Variants in NFATC2 observed in about 807,000 individuals in gnomAD.
NFATC2 encodes nuclear factor of activated T-cells, cytoplasmic 2.
NFATC2 carries 22 observed loss-of-function variants against 87.3 expected under a neutral mutation model. That is an observed-to-expected ratio of 0.25 (90% CI 0.18 to 0.36). The LOEUF is 0.36. Ranked by LOEUF, NFATC2 falls within the 10% of genes least tolerant of loss-of-function variation. NFATC2 has a pLI of 1.00. For missense variants in NFATC2, 1,149 were observed against 1,259.1 expected (o/e 0.91, Z 1.32); for synonymous variants, 565 against 542.2 (o/e 1.04, Z -0.58).
At chr20:51,399,558 T>A (rs1445272975) in intron 9 of NFATC2, among the ~76,000 whole-genome samples, 14 of 152,230 alleles carry the variant, frequency 9.2e-5, no homozygotes, top group Non-Finnish European at 1.9e-4. Flanking sequence ...GACAGAATGC[T>A]CAATAAATGA....
intron 3 of NFATC2, among the ~76,000 whole-genome samples, chr20:51,504,896 T>A (rs1400260089): frequency 1.3e-5 from 2 of 152,048 alleles, no homozygotes; most frequent in East Asian, 3.9e-4. Flanking sequence ...AGCTGAGTTT[T>A]GTGAGCTCAA....
chr20:51,559,324 C>G (rs940360788), intron 1 of NFATC2, among the ~76,000 whole-genome samples: 1 of 152,234 alleles, frequency 6.6e-6, no homozygotes, highest in African/African-American at 2.4e-5. Flanking sequence ...GCCTTATACC[C>G]TCCACATCCT....
rs772431244 is a variant in NFATC2 at position 51,432,731 on chromosome 20, C to T, written c.2058G>A (p.Thr686=). The T allele has an allele frequency of 1.0e-5, 16 of 1,583,426 alleles. No homozygotes were observed. The Admixed American group carries it at 1.4e-4, about 14-fold the overall frequency. ...HPVPAIKTEP[T]DEYDPTLICS... is the part of the protein sequence containing the mutation. ...AGATCAGAGTGGGGTCATATTCATC[C>T]GTGGGCTCCGTCTTGATGGCTGGGA... The change falls in exon 9 of 11, where the codon ACG becomes ACA. Residue 686 remains threonine, a synonymous_variant. Transcript: ENST00000371564. This position sits in a 1 kb window ranked among gnomAD's most constrained non-coding sequence, Gnocchi z 4.6.
chr20:51,504,882 C>T (rs893126439), intron 3 of NFATC2, among the ~76,000 whole-genome samples: 7 of 151,502 alleles, frequency 4.6e-5, no homozygotes, highest in African/African-American at 1.7e-4. Flanking sequence ...GTGAGAACAG[C>T]AGGAGCTGAG....
intron 1 of NFATC2, among the ~76,000 whole-genome samples, chr20:51,548,108 A>G (rs13038378): frequency 0.18 from 26,751 of 151,896 alleles, 2,859 homozygotes; most frequent in East Asian, 0.45. Context: ...CTTGGGTATC[A>G]TCTCCTGCCA....
At chr20:51,473,115 T>C (rs563489853) in intron 5 of NFATC2, among the ~76,000 whole-genome samples, 2 of 152,120 alleles carry the variant, frequency 1.3e-5, no homozygotes, top group Non-Finnish European at 2.9e-5. Flanking sequence ...ATGTGCCAGG[T>C]TTCTGCTCAG....
chr20:51,398,702 T>C lies in NFATC2; in HGVS notation c.2751A>G (p.Ile917Met), dbSNP rs765355692. ...DELIDTHLSWIQNIL is the reference protein window; with the variant it reads ...DELIDTHLSWMQNIL ...TCATTCTGTTTCATAATATGTTTTGTATCCAGCTAAGGTGTGTGTCTATCA... is the reference window on the plus strand; with the variant it reads ...TCATTCTGTTTCATAATATGTTTTGCATCCAGCTAAGGTGTGTGTCTATCA... Residue 917 changes from isoleucine (I) to methionine (M), a missense_variant, in exon 10 of 11, where the codon ATA becomes ATG. Ile to Met is a conservative substitution (Grantham distance 10). Around this residue, in one of 3 missense-constraint regions of NFATC2, gnomAD observed 581 missense variants for 649.7 expected, o/e 0.89. Transcript: ENST00000371564. 8.7e-6 allele frequency: 14 copies of C among 1,613,230 alleles called. No individual in the cohort carries two copies.
rs75494677 is a variant in NFATC2 at position 51,393,265 on chromosome 20, A to T, written c.*45-1814T>A. Among the ~76,000 whole-genome samples, 1,433 of 150,636 alleles carry T rather than the reference A, an allele frequency of 9.5e-3. 23 individuals are homozygous for T. Among genetic ancestry groups the T allele is most frequent in the African/African-American group, 0.034 (1,389 of 40,834 alleles). On this transcript the variant is annotated intron_variant, in intron 10 of 10. Coordinates refer to ENST00000371564, the MANE Select transcript of NFATC2 (RefSeq NM_012340.5). ...CTTGGTGAACCTTGCCTTGGTGACA[A>T]AACCACTCTGTGCCTCAGTTTCCTC...
chr20:51,399,714 C>G (rs1258456083), intron 9 of NFATC2, among the ~76,000 whole-genome samples: 2 of 152,168 alleles, frequency 1.3e-5, no homozygotes, highest in Admixed American at 6.5e-5. Flanking sequence ...GCATCTCAGG[C>G]CATCTCCCAA....
At chr20:51,508,970 C>A (rs565925798) in intron 3 of NFATC2, among the ~76,000 whole-genome samples, 1 of 152,114 alleles carries the variant, frequency 6.6e-6, no homozygotes, top group Non-Finnish European at 1.5e-5. Context: ...GCTCCCGCCT[C>A]GCTCAGAGTC....
intron 8 of NFATC2, among the ~76,000 whole-genome samples, chr20:51,433,648 A>G (rs1272103201): frequency 6.6e-6 from 1 of 152,058 alleles, no homozygotes; most frequent in Non-Finnish European, 1.5e-5. Flanking sequence ...AGCATTACCA[A>G]TCCCAGGAGT....
At chr20:51,532,257 C>A (rs2076645557) in intron 1 of NFATC2, among the ~76,000 whole-genome samples, 1 of 152,052 alleles carries the variant, frequency 6.6e-6, no homozygotes. Flanking sequence ...GAGTAATTTG[C>A]CCAAGGTCAC....
chr20:51,393,904 G>C (rs1986674760), intron 10 of NFATC2, among the ~76,000 whole-genome samples: 1 of 152,286 alleles, frequency 6.6e-6, no homozygotes, highest in Non-Finnish European at 1.5e-5. Flanking sequence ...GCTGGGGCAG[G>C]GGATGGGAAG....
intron 9 of NFATC2, among the ~76,000 whole-genome samples, chr20:51,425,767 T>C (rs1479283426): frequency 3.3e-5 from 5 of 152,212 alleles, no homozygotes; most frequent in African/African-American, 1.2e-4. Context: ...TGGGTCTCTC[T>C]GTTCATTCCT....
intron 3 of NFATC2, among the ~76,000 whole-genome samples, chr20:51,505,242 G>A (rs1057350533): frequency 2.4e-4 from 36 of 151,276 alleles, no homozygotes; most frequent in African/African-American, 8.7e-4. Context: ...GGTCTCACTC[G>A]ATCTCTTGAC....
chr20:51,552,019 T>C lies in NFATC2; in HGVS notation c.70+10541A>G, dbSNP rs2076938619. On this transcript the variant is annotated intron_variant, in intron 1 of 10. Coordinates refer to the NFATC2 transcript ENST00000414705. ...TCCAGCCTGGGCGACAGAGCGAGGC[T>C]CCATCTCAAAAAAAAAAAAATGTGT... Among the ~76,000 whole-genome samples the C allele has an allele frequency of 3.2e-5, 3 of 93,964 alleles. No homozygotes were observed. In the South Asian group the frequency reaches 1.1e-3, roughly 35 times the overall value. The allele number at this position is 93,964 out of a possible 152,430, so 61.6% of individuals were successfully genotyped here.
chr20:51,507,609 A>C (rs2076206066), intron 3 of NFATC2, among the ~76,000 whole-genome samples: 1 of 152,202 alleles, frequency 6.6e-6, no homozygotes, highest in East Asian at 1.9e-4. Flanking sequence ...AGTCTACATC[A>C]CTTTATCATT....
intron 3 of NFATC2, among the ~76,000 whole-genome samples, chr20:51,486,128 T>C (rs1304052895): frequency 6.6e-6 from 1 of 151,976 alleles, no homozygotes. Context: ...TGAGAATCGC[T>C]TGAACCCGGG....
At chr20:51,507,137 T>C (rs1461205108) in intron 3 of NFATC2, among the ~76,000 whole-genome samples, 2 of 152,126 alleles carry the variant, frequency 1.3e-5, no homozygotes, top group Non-Finnish European at 2.9e-5. Flanking sequence ...AATGAGTGAG[T>C]GGGTGAGTGA....
Sources: allele counts gnomAD v4.1 joint callset (sites outside exome capture counted in the v4.1 genomes callset), GRCh38; gene constraint gnomAD v4.1.1; regional missense constraint gnomAD v4.1.1; non-coding constraint Gnocchi (gnomAD v3.1); transcripts MANE v1.5; gene names NCBI Gene and HGNC (gene_info 2026-07-23, HGNC 2026-07-21).